The following NDST4 variants were observed in gnomAD, a reference collection of about 807,000 sequenced individuals.
The protein encoded by NDST4 is N-deacetylase and N-sulfotransferase 4.
A neutral mutation model predicts 100.8 loss-of-function variants in NDST4; 63 were observed. That is an observed-to-expected ratio of 0.62 (90% CI 0.51 to 0.77). NDST4 has a LOEUF of 0.77. Among genes scored for constraint, NDST4 ranks in the 30% least tolerant of loss-of-function variants. The pLI is 0.00. For synonymous variants in NDST4, 377 were observed against 361.8 expected, an observed-to-expected ratio of 1.04 and a Z score of -0.48; for missense variants, 943 against 1,018.4, an observed-to-expected ratio of 0.93 and a Z score of 1.01.
chr4:115,032,831 T>C (rs1204283669), intron 2 of NDST4, among the ~76,000 whole-genome samples: 5 of 152,014 alleles, frequency 3.3e-5, no homozygotes, highest in African/African-American at 4.8e-5. Context: ...AGATGACTAA[T>C]GATGTGTTTT....
chr4:114,861,474 C>G (rs1723916452), intron 7 of NDST4, among the ~76,000 whole-genome samples: 1 of 152,030 alleles, frequency 6.6e-6, no homozygotes, highest in South Asian at 2.1e-4. Flanking sequence ...ATTAGTTAGG[C>G]AATTGGAGCA....
intron 6 of NDST4, among the ~76,000 whole-genome samples, chr4:114,897,518 G>A (rs909037154): frequency 3.3e-5 from 5 of 152,122 alleles, no homozygotes; most frequent in Non-Finnish European, 5.9e-5. Context: ...TGGCAATTGT[G>A]AATAAAGCTA....
chr4:114,978,818 T>C (rs1726701359), intron 2 of NDST4, among the ~76,000 whole-genome samples: 3 of 152,142 alleles, frequency 2.0e-5, no homozygotes. Context: ...CACTTATCTT[T>C]CTTCCTCTAA....
chr4:115,066,416 C>T (rs913636824), intron 2 of NDST4, among the ~76,000 whole-genome samples: 1 of 151,872 alleles, frequency 6.6e-6, no homozygotes, highest in African/African-American at 2.4e-5. Flanking sequence ...AAATGAAAAC[C>T]TAGATTACTT....
chr4:114,844,769 T>C (rs538929754), intron 10 of NDST4, among the ~76,000 whole-genome samples: 1 of 152,346 alleles, frequency 6.6e-6, no homozygotes, highest in South Asian at 2.1e-4. Flanking sequence ...CAAATCTATG[T>C]CAATGAACAC....
At chr4:114,904,261 T>G (rs1159751326) in intron 6 of NDST4, among the ~76,000 whole-genome samples, 2 of 151,962 alleles carry the variant, frequency 1.3e-5, no homozygotes, top group East Asian at 3.9e-4. Context: ...CATAAATTTC[T>G]CATTCATTTT....
At chr4:115,048,699 A>C (rs569630) in intron 2 of NDST4, among the ~76,000 whole-genome samples, 138 of 151,894 alleles carry the variant, frequency 9.1e-4, no homozygotes, top group African/African-American at 3.2e-3. Flanking sequence ...GAGCAGGGGC[A>C]TGATCTGGGC....
intron 1 of NDST4, among the ~76,000 whole-genome samples, chr4:115,093,655 C>A (rs1427189867): frequency 3.3e-5 from 5 of 151,912 alleles, no homozygotes; most frequent in African/African-American, 1.2e-4. Flanking sequence ...AGCTAAAAAT[C>A]ACATGGAGCA....
intron 6 of NDST4, among the ~76,000 whole-genome samples, chr4:114,914,226 G>T (rs1442874942): frequency 6.6e-6 from 1 of 151,680 alleles, no homozygotes; most frequent in Non-Finnish European, 1.5e-5. Flanking sequence ...ATAATTAATG[G>T]GTACAAAAAA....
intron 2 of NDST4, among the ~76,000 whole-genome samples, chr4:115,069,892 A>G (rs1253513457): frequency 6.6e-6 from 1 of 152,188 alleles, no homozygotes; most frequent in African/African-American, 2.4e-5. Context: ...CTAAATAAGT[A>G]AATAAATAAA....
intron 13 of NDST4, among the ~76,000 whole-genome samples, chr4:114,828,468 G>T (rs1344735742): frequency 6.6e-6 from 1 of 151,748 alleles, no homozygotes; most frequent in Non-Finnish European, 1.5e-5. Context: ...AAGAGCTTTT[G>T]GTTTCCAAAA....
intron 6 of NDST4, among the ~76,000 whole-genome samples, chr4:114,884,619 T>C (rs780438593): frequency 2.0e-5 from 3 of 152,288 alleles, no homozygotes; most frequent in Admixed American, 1.3e-4. Context: ...TTAAAGCTTG[T>C]TTTAAGAAAA....
intron 6 of NDST4, among the ~76,000 whole-genome samples, chr4:114,877,638 T>C (rs956315142): frequency 1.3e-5 from 2 of 152,184 alleles, no homozygotes; most frequent in African/African-American, 2.4e-5. Context: ...GATTTATTCC[T>C]GTAAGAACTA....
chr4:114,985,444 C>A (rs184656976), intron 2 of NDST4, among the ~76,000 whole-genome samples: 15 of 152,240 alleles, frequency 9.9e-5, no homozygotes, highest in Admixed American at 3.3e-4. Flanking sequence ...AAAATAATAT[C>A]TAATATTATC....
intron 6 of NDST4, among the ~76,000 whole-genome samples, chr4:114,903,870 T>C (rs1397422630): frequency 1.3e-5 from 2 of 152,040 alleles, no homozygotes; most frequent in Admixed American, 6.6e-5. Context: ...TGGTAATCTC[T>C]AGATTTTTGA....
intron 1 of NDST4, among the ~76,000 whole-genome samples, chr4:115,091,141 A>G (rs1729511225): frequency 6.6e-6 from 1 of 152,112 alleles, no homozygotes; most frequent in Non-Finnish European, 1.5e-5. Flanking sequence ...ATATATATCT[A>G]AAACAAATTT....
At chr4:115,110,496 A>C (rs925471276) in intron 1 of NDST4, among the ~76,000 whole-genome samples, 2 of 151,964 alleles carry the variant, frequency 1.3e-5, no homozygotes, top group African/African-American at 4.8e-5. Context: ...TACCTTCAGA[A>C]GATATATGCT....
chr4:114,942,455 C>T (rs1387703421), intron 4 of NDST4, among the ~76,000 whole-genome samples: 2 of 151,982 alleles, frequency 1.3e-5, no homozygotes, highest in African/African-American at 4.8e-5. Flanking sequence ...ATCCTTGACA[C>T]GAACATCTAT....
chr4:114,903,203 T>C (rs1477106533), intron 6 of NDST4, among the ~76,000 whole-genome samples: 1 of 152,116 alleles, frequency 6.6e-6, no homozygotes, highest in African/African-American at 2.4e-5. Context: ...GTAAATAAGT[T>C]CCAATAAGCC....
Sources: allele counts gnomAD v4.1 joint callset (sites outside exome capture counted in the v4.1 genomes callset), GRCh38; gene constraint gnomAD v4.1.1; transcripts MANE v1.5; gene names NCBI Gene and HGNC (gene_info 2026-07-23, HGNC 2026-07-21).